PCDH9: variants seen among roughly 807,000 people sequenced by gnomAD.
PCDH9 encodes protocadherin-9.
PCDH9 carries 24 observed loss-of-function variants against 70.6 expected under a neutral mutation model. The observed-to-expected ratio is 0.34, with a 90% CI of 0.25 to 0.48. The LOEUF (loss-of-function observed/expected upper bound fraction) is 0.48. Ranked by LOEUF, PCDH9 falls within the 20% of genes least tolerant of loss-of-function variation. The probability of loss-of-function intolerance (pLI) is 0.99; values close to 1 mark genes in which losing one functional copy is unlikely to be tolerated. For synonymous variants in PCDH9, 562 were observed against 558.5 expected (o/e 1.01, Z -0.09); for missense variants, 1,281 against 1,503.6 (o/e 0.85, Z 2.45).
chr13:66,817,139 G>A, intron 3 of PCDH9, among the ~76,000 whole-genome samples: 1 of 152,238 alleles, frequency 6.6e-6, no homozygotes, highest in East Asian at 1.9e-4. Flanking sequence ...GGGAAGATGT[G>A]TAAGAGTTAT....
At chr13:66,436,670 G>A (rs1957872479) in intron 4 of PCDH9, among the ~76,000 whole-genome samples, 2 of 152,066 alleles carry the variant, frequency 1.3e-5, no homozygotes, top group African/African-American at 4.8e-5. Context: ...TGGAAACCTA[G>A]ACTGTGCCTT....
intron 4 of PCDH9, among the ~76,000 whole-genome samples, chr13:66,581,629 C>A (rs2076893275): frequency 6.6e-6 from 1 of 152,094 alleles, no homozygotes; most frequent in Admixed American, 6.6e-5. Context: ...CTTCATGAAG[C>A]AGAATCATTT....
At chr13:66,583,563 G>A (rs2076923047) in intron 4 of PCDH9, among the ~76,000 whole-genome samples, 1 of 151,546 alleles carries the variant, frequency 6.6e-6, no homozygotes, top group African/African-American at 2.4e-5. Context: ...ACAGTGCGCT[G>A]AGATCCCGCC....
intron 4 of PCDH9, among the ~76,000 whole-genome samples, chr13:66,623,421 C>T (rs1371371692): frequency 2.0e-5 from 3 of 152,098 alleles, no homozygotes; most frequent in Admixed American, 6.6e-5. Flanking sequence ...CACCTGCTGG[C>T]AAGTAGGCTT....
intron 2 of PCDH9, among the ~76,000 whole-genome samples, chr13:67,042,504 A>G (rs912518787): frequency 5.9e-5 from 9 of 152,224 alleles, no homozygotes; most frequent in African/African-American, 1.9e-4. Flanking sequence ...ATTAAAAAAA[A>G]CAAAAACAAA....
intron 2 of PCDH9, among the ~76,000 whole-genome samples, chr13:67,025,916 G>C (rs1034592355): frequency 1.3e-5 from 2 of 151,932 alleles, no homozygotes; most frequent in Admixed American, 6.6e-5. Flanking sequence ...AATTATATTA[G>C]GGTTATCACT....
chr13:67,227,234 T>C lies in PCDH9; in HGVS notation c.1207A>G (p.Ile403Val), dbSNP rs1377781576. ...TDVNGKVICF[I>V]EREVPFHLKA... ...AAATGAAATGGGACCTCTCTTTCAA[T>C]AAAACAGATCACTTTGCCATTCACA... is the stretch of plus-strand genomic sequence containing the variant. The change falls in exon 2 of 5, where the codon ATT becomes GTT. Residue 403 changes from isoleucine (I) to valine (V), a missense_variant. Physicochemically the swap from Ile to Val is conservative, Grantham distance 29. Coordinates refer to ENST00000377865, the MANE Select transcript of PCDH9 (RefSeq NM_203487.3). The surrounding 1 kb of genome is among the most constrained non-coding windows in gnomAD (Gnocchi z 4.6). 6.2e-7 allele frequency: 1 copy of C among 1,613,820 alleles called. No individual in the cohort carries two copies. Among genetic ancestry groups the C allele is most frequent in the Non-Finnish European group, 8.5e-7 (1 of 1,179,680 alleles).
At chr13:67,059,618 T>G (rs1315620899) in intron 2 of PCDH9, among the ~76,000 whole-genome samples, 1 of 151,332 alleles carries the variant, frequency 6.6e-6, no homozygotes, top group Non-Finnish European at 1.5e-5. Context: ...ACGGCTCAAG[T>G]GTCCTTTCAA....
At chr13:67,031,904 G>A (rs76999963) in intron 2 of PCDH9, among the ~76,000 whole-genome samples, 2 of 151,980 alleles carry the variant, frequency 1.3e-5, no homozygotes, top group Non-Finnish European at 1.5e-5. Context: ...CAGCCCTTCT[G>A]GTCTTTTATT....
At chr13:67,184,808 C>A (rs1053329885) in intron 2 of PCDH9, among the ~76,000 whole-genome samples, 2 of 152,030 alleles carry the variant, frequency 1.3e-5, no homozygotes, top group Admixed American at 6.6e-5. Context: ...TAAATAAAAC[C>A]AAAAATTCTA....
At chr13:66,638,214 A>G (rs2077664579) in intron 3 of PCDH9, among the ~76,000 whole-genome samples, 1 of 152,218 alleles carries the variant, frequency 6.6e-6, no homozygotes, top group African/African-American at 2.4e-5. Flanking sequence ...GTAGAATTTC[A>G]TTAAGCTCCT....
chr13:66,505,575 C>T (rs1959202810), intron 4 of PCDH9, among the ~76,000 whole-genome samples: 1 of 152,060 alleles, frequency 6.6e-6, no homozygotes, highest in Non-Finnish European at 1.5e-5. Flanking sequence ...GAGGGGGAGG[C>T]CTCACAATCA....
At chr13:67,056,549 G>T (rs1386507660) in intron 2 of PCDH9, among the ~76,000 whole-genome samples, 1 of 152,118 alleles carries the variant, frequency 6.6e-6, no homozygotes, top group Non-Finnish European at 1.5e-5. Context: ...TGCATTTCAT[G>T]AGAGACAACA....
At chr13:66,614,140 A>C (rs544499195) in intron 4 of PCDH9, among the ~76,000 whole-genome samples, 2 of 152,320 alleles carry the variant, frequency 1.3e-5, no homozygotes, top group South Asian at 4.1e-4. Context: ...ACAGATTTAC[A>C]TGTAAGGGAG....
chr13:66,818,168 T>C lies in PCDH9; in HGVS notation c.3138+85336A>G, dbSNP rs578061232. On this transcript the variant is annotated intron_variant, in intron 3 of 4. Transcript: ENST00000377865. ...TTCTTGACTGGTTTCAGCATATTAA[T>C]TAAATTTAAGTGTATAATTACGTTC... Among the ~76,000 whole-genome samples the C allele has an allele frequency of 2.0e-4, 31 of 152,310 alleles. No individual in the cohort carries two copies. In the South Asian group the frequency reaches 6.4e-3, roughly 32 times the overall value.
intron 4 of PCDH9, among the ~76,000 whole-genome samples, chr13:66,406,503 C>T (rs963410846): frequency 6.6e-6 from 1 of 152,132 alleles, no homozygotes; most frequent in Admixed American, 6.6e-5. Flanking sequence ...TCCTTACTTT[C>T]ATTATGTAAC....
intron 2 of PCDH9, among the ~76,000 whole-genome samples, chr13:66,935,155 G>A (rs1365222115): frequency 1.3e-5 from 2 of 151,982 alleles, no homozygotes; most frequent in Admixed American, 6.6e-5. Context: ...CGACACCCGG[G>A]GCTCAAGCAT....
chr13:66,744,173 C>A (rs1166079067), intron 3 of PCDH9, among the ~76,000 whole-genome samples: 1 of 152,146 alleles, frequency 6.6e-6, no homozygotes, highest in East Asian at 1.9e-4. Context: ...AACTATAAAC[C>A]CTTCTTTAAA....
At chr13:67,205,550 T>C (rs1457484611) in intron 2 of PCDH9, 1 of 152,210 alleles carries the variant, frequency 6.6e-6, no homozygotes, top group Non-Finnish European at 1.5e-5. Context: ...GAAACTCCTT[T>C]TGAACACATA....
Sources: allele counts gnomAD v4.1 joint callset (sites outside exome capture counted in the v4.1 genomes callset), GRCh38; gene constraint gnomAD v4.1.1; non-coding constraint Gnocchi (gnomAD v3.1); transcripts MANE v1.5; gene names NCBI Gene and HGNC (gene_info 2026-07-23, HGNC 2026-07-21).